CREBBP: variants seen among roughly 807,000 people sequenced by gnomAD.
CREBBP encodes CREB binding lysine acetyltransferase.
In CREBBP, 19 loss-of-function variants were observed where a neutral mutation model predicts 265.0. The ratio of observed to expected loss-of-function variants is 0.07; its 90% confidence interval spans 0.05 to 0.11. CREBBP has a LOEUF of 0.11. CREBBP is among the 10% of genes least tolerant of loss of function. The pLI is 1.00. For synonymous variants in CREBBP, 1,457 were observed against 1,223.7 expected (o/e 1.19, Z -3.98); for missense variants, 2,525 against 3,219.0 (o/e 0.78, Z 5.22).
At position 3,867,343 on chromosome 16, in the gene CREBBP, T is replaced by C. The variant is rs953180197; in HGVS notation, c.85+12489A>G. 2.0e-5 allele frequency among the ~76,000 whole-genome samples: 3 copies of C among 151,496 alleles called. No individual in the cohort carries two copies. The East Asian group carries it at 5.9e-4, about 30-fold the overall frequency. ...CTGTCTCTACAAAAATAATAAAAAA[T>C]TATCTGGGCATGGTGGTGCGTGCCT... On this transcript the variant is annotated intron_variant, in intron 1 of 30. Transcript: ENST00000262367.
At chr16:3,873,499 G>A (rs2055341044) in intron 1 of CREBBP, among the ~76,000 whole-genome samples, 1 of 152,172 alleles carries the variant, frequency 6.6e-6, no homozygotes, top group Non-Finnish European at 1.5e-5. Flanking sequence ...GAACTGCTGA[G>A]AAACAGGTCT....
intron 1 of CREBBP, among the ~76,000 whole-genome samples, chr16:3,865,441 G>A (rs2055157946): frequency 6.6e-6 from 1 of 152,116 alleles, no homozygotes; most frequent in South Asian, 2.1e-4. Flanking sequence ...CCTCAGTTAA[G>A]AAGAAAAAGG....
intron 19 of CREBBP, among the ~76,000 whole-genome samples, chr16:3,753,095 G>T (rs1293204728): frequency 6.6e-6 from 1 of 152,202 alleles, no homozygotes; most frequent in Admixed American, 6.5e-5. Flanking sequence ...CAAGATGCCA[G>T]GAAGGATTAG....
intron 5 of CREBBP, among the ~76,000 whole-genome samples, chr16:3,786,546 G>A (rs1011365802): frequency 6.6e-6 from 1 of 152,174 alleles, no homozygotes; most frequent in African/African-American, 2.4e-5. Flanking sequence ...GTGAGGGTAG[G>A]GGGAGACAGA....
rs144131630 is a variant in CREBBP, at chr16:3,746,109, C to T, written c.3837-755G>A. 3.3e-3 allele frequency among the ~76,000 whole-genome samples: 497 copies of T among 152,282 alleles called. 4 individuals are homozygous for T. The highest frequency in any genetic ancestry group is 0.011 in the African/African-American group (474 of 41,544). ...CAAGACCTTGGGTTTTTGTCAGCTC[C>T]CTCCCTTGCTGCCACCACAATGCAT... On this transcript the variant is annotated intron_variant, in intron 21 of 30. Coordinates refer to ENST00000262367, the MANE Select transcript of CREBBP (RefSeq NM_004380.3).
chr16:3,749,279 A>C (rs2052420031), intron 21 of CREBBP, among the ~76,000 whole-genome samples: 1 of 152,228 alleles, frequency 6.6e-6, no homozygotes, highest in Non-Finnish European at 1.5e-5. Context: ...AAACGATACT[A>C]CTAGTACTAC....
At chr16:3,876,584 G>A (rs547968834) in intron 1 of CREBBP, among the ~76,000 whole-genome samples, 122 of 152,052 alleles carry the variant, frequency 8.0e-4, no homozygotes, top group African/African-American at 2.8e-3. Context: ...ACTATATACC[G>A]GTAATATAAA....
At chr16:3,754,193 G>A (rs1481799041) in intron 19 of CREBBP, among the ~76,000 whole-genome samples, 1 of 152,174 alleles carries the variant, frequency 6.6e-6, no homozygotes, top group East Asian at 1.9e-4. Context: ...TAGCCTGTTC[G>A]TGTTTAAGAA....
At chr16:3,808,442 G>A (rs557053296) in intron 3 of CREBBP, among the ~76,000 whole-genome samples, 16 of 152,222 alleles carry the variant, frequency 1.1e-4, no homozygotes, top group African/African-American at 3.9e-4. Flanking sequence ...GGGCACAACC[G>A]GCTCACAGCA....
intron 2 of CREBBP, among the ~76,000 whole-genome samples, chr16:3,849,426 T>TGTGTGTGTGTGTG (rs1567360085): frequency 6.4e-4 from 5 of 7,768 alleles, no homozygotes; most frequent in Non-Finnish European, 3.2e-3. Flanking sequence ...TGTGTGTGTG[T>TGTGTGTGTGTGTG]GTGTGTGTGT....
rs61759495 is a variant in CREBBP, at chr16:3,793,453, C to A, written c.1149G>T (p.Pro383=). The A allele has an allele frequency of 4.3e-6, 7 of 1,614,072 alleles. No homozygotes were observed. The highest frequency in any genetic ancestry group is 1.3e-5 in the African/African-American group (1 of 75,016). ...ANGEVRACSL[P]HCRTMKNVLN... is the part of the protein sequence containing the mutation. ...AAACGTTTTTCATGGTTCGACAATG[C>A]GGGAGCGAGCAGGCCCGAACCTCTC... The change falls in exon 4 of 31, where the codon CCG becomes CCT. Residue 383 remains proline (P), a synonymous_variant. Transcript: ENST00000262367.
intron 15 of CREBBP, among the ~76,000 whole-genome samples, chr16:3,768,227 C>CCTCCCCCT (rs1164642246): frequency 7.7e-6 from 1 of 130,464 alleles, no homozygotes; most frequent in Non-Finnish European, 1.6e-5. Flanking sequence ...CTCACTGCAA[C>CCTCCCCCT]CTCCCCCTCC....
At chr16:3,855,247 C>T (rs915640065) in intron 1 of CREBBP, among the ~76,000 whole-genome samples, 1 of 152,156 alleles carries the variant, frequency 6.6e-6, no homozygotes, top group Non-Finnish European at 1.5e-5. Context: ...TGGCCTTTGT[C>T]TTTCGTAAGT....
intron 16 of CREBBP, among the ~76,000 whole-genome samples, chr16:3,765,284 CAT>C (rs112744052): frequency 0.034 from 5,252 of 152,298 alleles, 287 homozygotes; most frequent in African/African-American, 0.12. Flanking sequence ...CCGCCTGGTA[CAT>C]GTCTTTTATT....
At chr16:3,863,743 G>C (rs2055122630) in intron 1 of CREBBP, among the ~76,000 whole-genome samples, 1 of 152,174 alleles carries the variant, frequency 6.6e-6, no homozygotes, top group African/African-American at 2.4e-5. Context: ...GCCATTCCCA[G>C]ACAGCCAAGA....
chr16:3,873,569 C>T (rs2055342494), intron 1 of CREBBP, among the ~76,000 whole-genome samples: 1 of 152,166 alleles, frequency 6.6e-6, no homozygotes, highest in South Asian at 2.1e-4. Flanking sequence ...CGACAACGTC[C>T]CTGGTTAACG....
intron 2 of CREBBP, among the ~76,000 whole-genome samples, chr16:3,830,836 C>T (rs933775205): frequency 6.6e-6 from 1 of 152,150 alleles, no homozygotes; most frequent in African/African-American, 2.4e-5. Flanking sequence ...GGCTGAAGTG[C>T]AGTGGCGCGA....
At chr16:3,849,287 T>G (rs2141478706) in intron 2 of CREBBP, among the ~76,000 whole-genome samples, 1 of 152,142 alleles carries the variant, frequency 6.6e-6, no homozygotes, top group Non-Finnish European at 1.5e-5. Context: ...GCCTTCCCCC[T>G]TCTCCAAGTC....
At chr16:3,807,098 G>A (rs2053845785) in intron 3 of CREBBP, among the ~76,000 whole-genome samples, 1 of 152,182 alleles carries the variant, frequency 6.6e-6, no homozygotes, top group Admixed American at 6.5e-5. Context: ...TGAGCTCTGT[G>A]TCACTCCCAG....
Sources: allele counts gnomAD v4.1 joint callset (sites outside exome capture counted in the v4.1 genomes callset), GRCh38; gene constraint gnomAD v4.1.1; transcripts MANE v1.5; gene names NCBI Gene and HGNC (gene_info 2026-07-23, HGNC 2026-07-21).